The following GRIP2 variants were observed in gnomAD, a reference collection of about 807,000 sequenced individuals.
The protein encoded by GRIP2 is glutamate receptor-interacting protein 2.
In GRIP2, 58 loss-of-function variants were observed where a neutral mutation model predicts 108.3. The ratio of observed to expected loss-of-function variants is 0.54; its 90% confidence interval spans 0.43 to 0.67. GRIP2 has a LOEUF of 0.67. Among genes scored for constraint, GRIP2 ranks in the 30% least tolerant of loss-of-function variants. The probability of loss-of-function intolerance (pLI) is 0.00; values close to 1 mark genes in which losing one functional copy is unlikely to be tolerated. For synonymous variants in GRIP2, 586 were observed against 598.2 expected (o/e 0.98, Z 0.30); for missense variants, 1,278 against 1,430.6 (o/e 0.89, Z 1.72).
At chr3:14,545,396 C>T (rs1036503182), upstream of GRIP2, among the ~76,000 whole-genome samples, 4 of 152,236 alleles carry the variant, frequency 2.6e-5, no homozygotes, top group Admixed American at 1.3e-4. Context: ...CCGAACCACT[C>T]TCCACAGCCC....
At position 14,491,285 on chromosome 3, in the gene GRIP2, T is replaced by G. The variant is rs1440830022; in HGVS notation, c.*2380A>C. On this transcript the variant is annotated 3_prime_UTR_variant, in exon 24 of 24. Coordinates refer to ENST00000621039, the MANE Select transcript of GRIP2 (RefSeq NM_001080423.4). Reference sequence around the variant, plus strand: ...GGCCCCAAACAGACCATAAGCGGCCTTTGCAATACAGCCCCTTGTGCTTCC... The same window carrying G: ...GGCCCCAAACAGACCATAAGCGGCCGTTGCAATACAGCCCCTTGTGCTTCC... 1 of 152,210 alleles carries G rather than the reference T, an allele frequency of 6.6e-6. No homozygotes were observed. The highest frequency in any genetic ancestry group is 1.5e-5 in the Non-Finnish European group (1 of 68,048). 9.4% of individuals were successfully genotyped at this position (152,210 alleles called of 1,614,324 possible).
At chr3:14,494,801 A>C (rs1693535205) in intron 23 of GRIP2, 42 bp downstream of exon 23, 3 of 1,587,926 alleles carry the variant, frequency 1.9e-6, no homozygotes, top group African/African-American at 1.3e-5. Flanking sequence ...CAGGCTAGGA[A>C]ACAATGCCAC....
intron 22 of GRIP2, 112 bp from the exon 23 acceptor site, chr3:14,495,101 C>A: frequency 7.2e-7 from 1 of 1,397,290 alleles, no homozygotes; most frequent in Non-Finnish European, 9.8e-7. Flanking sequence ...AGCCACACCC[C>A]CCAGGCTGCA....
chr3:14,573,351 CA>C, the GRIP2 span: 1 of 1,361,144 alleles, frequency 7.3e-7, no homozygotes. Flanking sequence ...TATGTGGTGC[CA>C]CCCTGCCAGC....
intron 1 of GRIP2, among the ~76,000 whole-genome samples, chr3:14,547,429 C>T (rs559702628): frequency 6.2e-4 from 95 of 152,328 alleles, no homozygotes; most frequent in Middle Eastern, 3.4e-3. Flanking sequence ...CCAGATCTGG[C>T]GCTGGGATGG....
intron 1 of GRIP2, among the ~76,000 whole-genome samples, chr3:14,527,916 A>G (rs1694607995): frequency 6.6e-6 from 1 of 152,178 alleles, no homozygotes; most frequent in Non-Finnish European, 1.5e-5. Context: ...AAATAAAAAT[A>G]AATAAAAATT....
the GRIP2 span, among the ~76,000 whole-genome samples, chr3:14,563,651 G>A: frequency 1.0e-3 from 153 of 152,222 alleles, no homozygotes; most frequent in Middle Eastern, 3.4e-3. Flanking sequence ...GAGGGGTGTA[G>A]GGGAAGGGCA....
chr3:14,563,585 C>G, the GRIP2 span, among the ~76,000 whole-genome samples: 1 of 151,986 alleles, frequency 6.6e-6, no homozygotes, highest in Admixed American at 6.6e-5. Flanking sequence ...GATGTGGGAG[C>G]TTTGCCTGGG....
chr3:14,586,483 G>T, the GRIP2 span, among the ~76,000 whole-genome samples: 1 of 152,190 alleles, frequency 6.6e-6, no homozygotes, highest in South Asian at 2.1e-4. Context: ...GCCTAGGTTC[G>T]GGCAATGGTG....
the GRIP2 span, chr3:14,574,689 A>C: frequency 1.6e-6 from 1 of 616,574 alleles, no homozygotes; most frequent in Non-Finnish European, 3.1e-6. Flanking sequence ...GGCTGGAGTG[A>C]AGCTTCGACG....
chr3:14,525,987 AC>A (rs751710241), intron 1 of GRIP2, 56 bp from the exon 2 acceptor site: 1 of 1,462,678 alleles, frequency 6.8e-7, no homozygotes, highest in African/African-American at 1.4e-5. Flanking sequence ...ATTCCTGCAG[AC>A]CTCTTCTGCT....
At chr3:14,568,813 C>G in the GRIP2 span, among the ~76,000 whole-genome samples, 2 of 152,144 alleles carry the variant, frequency 1.3e-5, no homozygotes, top group African/African-American at 4.8e-5. Context: ...AGTGTGAGGT[C>G]AGCACACCAT....
the GRIP2 span, among the ~76,000 whole-genome samples, chr3:14,587,075 A>G: frequency 1.3e-5 from 2 of 152,258 alleles, no homozygotes; most frequent in Non-Finnish European, 1.5e-5. Context: ...GTCTATATTT[A>G]ACAACAATTA....
intron 21 of GRIP2, among the ~76,000 whole-genome samples, chr3:14,499,592 G>A (rs1221229530): frequency 1.3e-5 from 2 of 151,972 alleles, no homozygotes; most frequent in South Asian, 2.1e-4. Context: ...GCGTGGTGGT[G>A]CATGCCTGTA....
upstream of GRIP2, chr3:14,540,374 C>G (rs1342241648): frequency 6.2e-7 from 1 of 1,611,226 alleles, no homozygotes; most frequent in East Asian, 2.2e-5. This position sits in a 1 kb window ranked among gnomAD's most constrained non-coding sequence, Gnocchi z 4.1. Flanking sequence ...GCCCTCCCTC[C>G]CCTCCCCAGG....
At position 14,504,381 on chromosome 3, in the gene GRIP2, G is replaced by A. The variant is rs185924444; in HGVS notation, c.2574-710C>T. ...AGCTGGAGTGCAGTGGCATGATCTCGACTCACTGCAAGCTCTGCCTCCTGG... is the reference window on the plus strand; with the variant it reads ...AGCTGGAGTGCAGTGGCATGATCTCAACTCACTGCAAGCTCTGCCTCCTGG... On this transcript the variant is annotated intron_variant, in intron 20 of 23. Transcript: ENST00000621039. Among the ~76,000 whole-genome samples the A allele has an allele frequency of 3.0e-3, 423 of 142,904 alleles. 9 individuals are homozygous for A. Among genetic ancestry groups the A allele is most frequent in the Admixed American group, 0.016 (213 of 13,558 alleles). The allele number at this position is 142,904 out of a possible 152,430, so 93.8% of individuals were successfully genotyped here.
At chr3:14,598,443 G>C in the GRIP2 span, among the ~76,000 whole-genome samples, 1 of 151,984 alleles carries the variant, frequency 6.6e-6, no homozygotes, top group Non-Finnish European at 1.5e-5. Context: ...ACCCTGGACA[G>C]ATCCCCACCC....
the GRIP2 span, among the ~76,000 whole-genome samples, chr3:14,564,436 C>T: frequency 6.6e-6 from 1 of 152,244 alleles, no homozygotes; most frequent in African/African-American, 2.4e-5. Flanking sequence ...TCCCTCCCCA[C>T]ACCTGCCATG....
At chr3:14,510,347 C>G (rs1447075998) in intron 16 of GRIP2, among the ~76,000 whole-genome samples, 8 of 151,088 alleles carry the variant, frequency 5.3e-5, no homozygotes, top group African/African-American at 1.7e-4. Flanking sequence ...ACTGCCATAC[C>G]TCTGCTTCCA....
Sources: allele counts gnomAD v4.1 joint callset (sites outside exome capture counted in the v4.1 genomes callset), GRCh38; gene constraint gnomAD v4.1.1; non-coding constraint Gnocchi (gnomAD v3.1); transcripts MANE v1.5; gene names NCBI Gene and HGNC (gene_info 2026-07-23, HGNC 2026-07-21).